Variants in MAP3K4 observed in about 807,000 individuals in gnomAD.
The protein encoded by MAP3K4 is MAP three kinase 1.
In MAP3K4, 67 loss-of-function variants were observed where a neutral mutation model predicts 185.6. That is an observed-to-expected ratio of 0.36 (90% CI 0.30 to 0.44). The LOEUF (loss-of-function observed/expected upper bound fraction) is 0.44, where lower values mean the gene tolerates loss of function less well. MAP3K4 is among the 20% of genes least tolerant of loss of function. The pLI is 1.00. For missense variants in MAP3K4, 1,551 were observed against 1,995.1 expected (o/e 0.78, Z 4.24); for synonymous variants, 702 against 710.4 (o/e 0.99, Z 0.19).
chr6:161,093,171 C>T lies in MAP3K4; in HGVS notation c.3348+115C>T, dbSNP rs1777405814. 3 of 670,178 alleles carry T rather than the reference C, an allele frequency of 4.5e-6. No individual in the cohort carries two copies. The Admixed American group carries it at 8.7e-5, about 19-fold the overall frequency. The allele number at this position is 670,178 out of a possible 1,614,324, so 41.5% of individuals were successfully genotyped here. A position where few individuals can be genotyped will look rare whatever the true frequency, so the allele number is the denominator to read the frequency against. On this transcript the variant is annotated intron_variant, in intron 14 of 26. Transcript: ENST00000392142. The surrounding 1 kb of genome is among the most constrained non-coding windows in gnomAD (Gnocchi z 5.2). ...TTTTTTCATGAGATATTAATCTCAGCATATCATGTAATGATAATGCTGAGA... is the reference window on the plus strand; with the variant it reads ...TTTTTTCATGAGATATTAATCTCAGTATATCATGTAATGATAATGCTGAGA...
At chr6:161,040,122 G>A (rs887730415) in intron 2 of MAP3K4, among the ~76,000 whole-genome samples, 6 of 152,108 alleles carry the variant, frequency 3.9e-5, no homozygotes. Flanking sequence ...TGAATACCTC[G>A]TTTCTTTGTA....
chr6:161,068,161 G>A (rs553902979), intron 3 of MAP3K4, among the ~76,000 whole-genome samples: 2 of 152,236 alleles, frequency 1.3e-5, no homozygotes, highest in Admixed American at 1.3e-4. Flanking sequence ...CTTTTTCATG[G>A]AACTGATGGT....
intron 1 of MAP3K4, among the ~76,000 whole-genome samples, chr6:160,995,511 C>T (rs1413094314): frequency 2.0e-5 from 3 of 152,204 alleles, no homozygotes; most frequent in Non-Finnish European, 4.4e-5. Context: ...GTGCTTTCCT[C>T]CTGACCCAAG....
chr6:161,073,020 A>C lies in MAP3K4; in HGVS notation c.1951-446A>C, dbSNP rs890806902. 6.6e-6 allele frequency among the ~76,000 whole-genome samples: 1 copy of C among 152,172 alleles called. No individual in the cohort carries two copies. Among genetic ancestry groups the C allele is most frequent in the Admixed American group, 6.5e-5 (1 of 15,280 alleles). ...AATCACAGTAGGTAAACTATGCTAAATTATTGCGAAGGCCACCTGCTTTGT... is the reference window on the plus strand; with the variant it reads ...AATCACAGTAGGTAAACTATGCTAACTTATTGCGAAGGCCACCTGCTTTGT... On this transcript the variant is annotated intron_variant, in intron 4 of 26. Transcript: ENST00000392142. This position sits in a 1 kb window ranked among gnomAD's most constrained non-coding sequence, Gnocchi z 4.2.
chr6:161,041,951 T>C (rs1583155880), intron 2 of MAP3K4, among the ~76,000 whole-genome samples: 1 of 126,744 alleles, frequency 7.9e-6, no homozygotes, highest in African/African-American at 3.1e-5. Context: ...AGAGATGGGG[T>C]CTCGCTATGT....
rs1308771949 is a variant in MAP3K4 at position 161,043,429 on chromosome 6, CTG to C, written c.344-5185_344-5184del. ...CCTGTGTAATCTTTTGTGGTACTCGCTGTCTTAGCCTTTCCTTGGTCAGTTGG... is the reference window on the plus strand; with the variant it reads ...CCTGTGTAATCTTTTGTGGTACTCGCTCTTAGCCTTTCCTTGGTCAGTTGG... On this transcript the variant is annotated intron_variant, in intron 2 of 26. Transcript: ENST00000392142. This position sits in a 1 kb window ranked among gnomAD's most constrained non-coding sequence, Gnocchi z 4.3. Among the ~76,000 whole-genome samples the C allele has an allele frequency of 1.3e-5, 2 of 152,198 alleles. No homozygotes were observed. Among genetic ancestry groups the C allele is most frequent in the African/African-American group, 4.8e-5 (2 of 41,448 alleles).
intron 3 of MAP3K4, among the ~76,000 whole-genome samples, chr6:161,050,640 A>G (rs147271266): frequency 6.6e-6 from 1 of 152,322 alleles, no homozygotes; most frequent in East Asian, 1.9e-4. Flanking sequence ...TGAAAACAGT[A>G]TAGATTTGCT....
intron 1 of MAP3K4, among the ~76,000 whole-genome samples, chr6:161,010,145 A>G (rs1781779672): frequency 1.3e-5 from 2 of 152,226 alleles, no homozygotes; most frequent in African/African-American, 4.8e-5. Context: ...TTATTCATGT[A>G]TCCTCTTGAC....
chr6:161,061,417 T>A lies in MAP3K4; in HGVS notation c.1708-9191T>A, dbSNP rs186287267. Among the ~76,000 whole-genome samples the A allele has an allele frequency of 2.8e-4, 43 of 152,386 alleles. No homozygotes were observed. The highest frequency in any genetic ancestry group is 1.0e-4 in the Non-Finnish European group (7 of 68,036). On this transcript the variant is annotated intron_variant, in intron 3 of 26. Transcript: ENST00000392142. This position sits in a 1 kb window ranked among gnomAD's most constrained non-coding sequence, Gnocchi z 4.2. ...ACTGACTAGATATACAGTTAGATTC[T>A]TTTTTCTACTTTATTTCCAAAATAA...
chr6:161,043,591 C>G lies in MAP3K4; in HGVS notation c.344-5025C>G, dbSNP rs6918476. ...GATAATCTTCATCATCATGTTGTTACGAAAATTATGACAATGTCTGTGAAG... is the reference window on the plus strand; with the variant it reads ...GATAATCTTCATCATCATGTTGTTAGGAAAATTATGACAATGTCTGTGAAG... On this transcript the variant is annotated intron_variant, in intron 2 of 26. Transcript: ENST00000392142. This position sits in a 1 kb window ranked among gnomAD's most constrained non-coding sequence, Gnocchi z 4.3. Among the ~76,000 whole-genome samples, 3 of 151,678 alleles carry G rather than the reference C, an allele frequency of 2.0e-5. No individual in the cohort carries two copies. The highest frequency in any genetic ancestry group is 2.9e-5 in the Non-Finnish European group (2 of 67,896).
chr6:161,114,314 G>A lies in MAP3K4; in HGVS notation c.4627-809G>A, dbSNP rs543321413. 5.9e-5 allele frequency among the ~76,000 whole-genome samples: 9 copies of A among 152,208 alleles called. No individual in the cohort carries two copies. Among genetic ancestry groups the A allele is most frequent in the South Asian group, 2.1e-4 (1 of 4,816 alleles). On this transcript the variant is annotated intron_variant, in intron 25 of 26. Coordinates refer to ENST00000392142, the MANE Select transcript of MAP3K4 (RefSeq NM_005922.4). The surrounding 1 kb of genome is among the most constrained non-coding windows in gnomAD (Gnocchi z 4.3). ...CATGAACTGCACATGGTAGCTTACCGTACACATACAGTATTATAGCAAAAA... is the reference window on the plus strand; with the variant it reads ...CATGAACTGCACATGGTAGCTTACCATACACATACAGTATTATAGCAAAAA...
At chr6:161,006,780 C>G (rs71565785) in intron 1 of MAP3K4, among the ~76,000 whole-genome samples, 1 of 151,566 alleles carries the variant, frequency 6.6e-6, no homozygotes, top group South Asian at 2.1e-4. Context: ...AAAGAGAAAG[C>G]CTATATATTC....
chr6:161,072,473 A>G (rs1784994233), intron 4 of MAP3K4, among the ~76,000 whole-genome samples: 1 of 152,206 alleles, frequency 6.6e-6, no homozygotes, highest in Non-Finnish European at 1.5e-5. Flanking sequence ...CAAAAGCAAG[A>G]ATTTAAATGG....
At chr6:161,095,271 G>A (rs74670017) in intron 15 of MAP3K4, among the ~76,000 whole-genome samples, 2,711 of 152,240 alleles carry the variant, frequency 0.018, 85 homozygotes, top group African/African-American at 0.063. Context: ...ACATCATTGA[G>A]CCTCTCTTTT....
At chr6:161,015,308 A>T (rs952910993) in intron 1 of MAP3K4, among the ~76,000 whole-genome samples, 4 of 148,950 alleles carry the variant, frequency 2.7e-5, no homozygotes, top group Non-Finnish European at 5.9e-5. Flanking sequence ...GGGCCTGTTG[A>T]TGGTGGGGGG....
chr6:161,110,416 A>G lies in MAP3K4; in HGVS notation c.4396+502A>G, dbSNP rs1353552543. Among the ~76,000 whole-genome samples the G allele has an allele frequency of 6.6e-6, 1 of 152,226 alleles. No individual in the cohort carries two copies. The highest frequency in any genetic ancestry group is 1.5e-5 in the Non-Finnish European group (1 of 68,038). On this transcript the variant is annotated intron_variant, in intron 23 of 26. Transcript: ENST00000392142. This position sits in a 1 kb window ranked among gnomAD's most constrained non-coding sequence, Gnocchi z 4.8. The stretch of plus-strand genomic sequence containing the variant: ...AAGGTTATTTTGGCCATGCTGATGG[A>G]TTAAAAGTGCTCTTCTCATAGCACG...
intron 2 of MAP3K4, among the ~76,000 whole-genome samples, chr6:161,047,333 G>T (rs927413851): frequency 8.6e-5 from 13 of 151,136 alleles, no homozygotes; most frequent in Non-Finnish European, 1.6e-4. Context: ...CTAGCTACTT[G>T]GGAGGCTGAG....
At chr6:161,045,650 T>C (rs1783697803) in intron 2 of MAP3K4, among the ~76,000 whole-genome samples, 1 of 152,148 alleles carries the variant, frequency 6.6e-6, no homozygotes, top group African/African-American at 2.4e-5. Flanking sequence ...TTAGGACCTT[T>C]CAATCATAGA....
chr6:161,108,552 A>C lies in MAP3K4; in HGVS notation c.4120-191A>C, dbSNP rs1309349457. On this transcript the variant is annotated intron_variant, in intron 21 of 26. Coordinates refer to ENST00000392142, the MANE Select transcript of MAP3K4 (RefSeq NM_005922.4). The surrounding 1 kb of genome is among the most constrained non-coding windows in gnomAD (Gnocchi z 5.7). ...GGCCTCTTCCTCCTCTGTGCCCGGG[A>C]CCTACCCGCACTTCTATGACTTCAC... 6.6e-6 allele frequency among the ~76,000 whole-genome samples: 1 copy of C among 152,028 alleles called. No individual in the cohort carries two copies. Among genetic ancestry groups the C allele is most frequent in the African/African-American group, 2.4e-5 (1 of 41,390 alleles).
Sources: allele counts gnomAD v4.1 joint callset (sites outside exome capture counted in the v4.1 genomes callset), GRCh38; gene constraint gnomAD v4.1.1; non-coding constraint Gnocchi (gnomAD v3.1); transcripts MANE v1.5; gene names NCBI Gene and HGNC (gene_info 2026-07-23, HGNC 2026-07-21).